CDK8: variants seen among roughly 807,000 people sequenced by gnomAD.
CDK8 encodes the protein cyclin-dependent kinase 8.
Under a neutral mutation model 71.5 loss-of-function variants are expected in CDK8, and 29 were observed. That is an observed-to-expected ratio of 0.41 (90% CI 0.30 to 0.55). The LOEUF is 0.55. Among genes scored for constraint, CDK8 ranks in the 20% least tolerant of loss-of-function variants. The pLI is 0.37. For missense variants in CDK8, 288 were observed against 572.6 expected, an observed-to-expected ratio of 0.50 and a Z score of 5.07; for synonymous variants, 161 against 192.1, an observed-to-expected ratio of 0.84 and a Z score of 1.34.
chr13:26,279,175 T>A (rs1872655600), intron 1 of CDK8, among the ~76,000 whole-genome samples: 1 of 152,122 alleles, frequency 6.6e-6, no homozygotes, highest in African/African-American at 2.4e-5. Context: ...TACAGAAGGA[T>A]GCCAGTTGAT....
rs147015383 is a variant in CDK8, at chr13:26,312,176, G to A, written c.129-25391G>A. ...ACTCTGTGAAAACGCAACAATCAGC[G>A]CTCTGTGTCTAGCTAAAGGATTGTA... On this transcript the variant is annotated intron_variant, in intron 1 of 12. Coordinates refer to ENST00000381527, the MANE Select transcript of CDK8 (RefSeq NM_001260.3). 1.1e-3 allele frequency among the ~76,000 whole-genome samples: 162 copies of A among 152,162 alleles called. 3 individuals are homozygous for A. In the East Asian group the frequency reaches 0.026, roughly 24 times the overall value.
chr13:26,285,082 T>C (rs1872942709), intron 1 of CDK8, among the ~76,000 whole-genome samples: 1 of 151,812 alleles, frequency 6.6e-6, no homozygotes, highest in Admixed American at 6.6e-5. Flanking sequence ...CTACTAAAAA[T>C]ACAAAAGTTA....
At chr13:26,276,944 G>T (rs991274549) in intron 1 of CDK8, among the ~76,000 whole-genome samples, 5 of 152,116 alleles carry the variant, frequency 3.3e-5, no homozygotes, top group African/African-American at 1.2e-4. Context: ...TTCTCAGAAG[G>T]TTCTTAGCTT....
chr13:26,395,267 A>G (rs2138065858), intron 7 of CDK8, among the ~76,000 whole-genome samples: 1 of 152,258 alleles, frequency 6.6e-6, no homozygotes, highest in African/African-American at 2.4e-5. Context: ...CCTGAACAAC[A>G]TGGAGAAACC....
intron 1 of CDK8, among the ~76,000 whole-genome samples, chr13:26,337,054 G>T (rs1170701749): frequency 1.5e-5 from 2 of 134,906 alleles, no homozygotes; most frequent in East Asian, 5.4e-4. Context: ...CATAGTAAGT[G>T]TTCAGTAAAC....
At chr13:26,255,097 T>G (rs1871462302) in intron 1 of CDK8, among the ~76,000 whole-genome samples, 1 of 152,114 alleles carries the variant, frequency 6.6e-6, no homozygotes, top group African/African-American at 2.4e-5. Flanking sequence ...TTTTTGTTTT[T>G]TTTTTTCCTT....
intron 1 of CDK8, among the ~76,000 whole-genome samples, chr13:26,282,016 C>G (rs781266111): frequency 1.3e-5 from 2 of 151,350 alleles, no homozygotes; most frequent in Non-Finnish European, 2.9e-5. Context: ...CAGACAAAGA[C>G]AGAGCAAAAA....
intron 4 of CDK8, among the ~76,000 whole-genome samples, chr13:26,380,602 G>C (rs1462576582): frequency 1.3e-5 from 2 of 151,914 alleles, no homozygotes; most frequent in African/African-American, 4.8e-5. Flanking sequence ...TCTCACCTTA[G>C]CAGGAACTAC....
chr13:26,339,754 A>T (rs71425157), intron 2 of CDK8, among the ~76,000 whole-genome samples: 21,624 of 129,156 alleles, frequency 0.17, 2,047 homozygotes, highest in African/African-American at 0.29. Flanking sequence ...ACTTAAAAAA[A>T]AAATATATAT....
intron 1 of CDK8, among the ~76,000 whole-genome samples, chr13:26,334,968 G>A (rs577356406): frequency 2.0e-5 from 3 of 152,162 alleles, no homozygotes; most frequent in African/African-American, 4.8e-5. Context: ...TGGAATAGAC[G>A]TTTCTCCTTC....
At position 26,385,210 on chromosome 13, in the gene CDK8, G is replaced by A. The variant is rs2138049932; in HGVS notation, c.515-1G>A. On this transcript the variant is annotated splice_acceptor_variant, in intron 5 of 12. Coordinates refer to ENST00000381527, the MANE Select transcript of CDK8 (RefSeq NM_001260.3). LOFTEE classifies it high-confidence loss of function. ...ATGATTTTTTTTTTATTATTTTACA[G>A]CTGACATGGGCTTTGCCCGATTATT... 1 of 1,592,208 alleles carries A rather than the reference G, an allele frequency of 6.3e-7. No individual in the cohort carries two copies. Among genetic ancestry groups the A allele is most frequent in the Non-Finnish European group, 8.5e-7 (1 of 1,172,828 alleles).
intron 1 of CDK8, among the ~76,000 whole-genome samples, chr13:26,336,122 TACACAC>T (rs111361937): frequency 2.6e-4 from 39 of 148,580 alleles, no homozygotes; most frequent in African/African-American, 9.3e-4. Context: ...TACACAAACA[TACACAC>T]ACACACACAC....
intron 4 of CDK8, among the ~76,000 whole-genome samples, chr13:26,364,280 C>T (rs1360748699): frequency 1.3e-5 from 2 of 152,068 alleles, no homozygotes; most frequent in East Asian, 3.8e-4. Flanking sequence ...TATGAGAGTG[C>T]ATCATATATG....
intron 1 of CDK8, among the ~76,000 whole-genome samples, chr13:26,317,089 C>A (rs1185803228): frequency 6.6e-6 from 1 of 152,116 alleles, no homozygotes; most frequent in Non-Finnish European, 1.5e-5. Context: ...GAAAAGTGAA[C>A]AAGGTTTAAG....
At chr13:26,343,946 A>G (rs1314866601) in intron 2 of CDK8, among the ~76,000 whole-genome samples, 1 of 151,734 alleles carries the variant, frequency 6.6e-6, no homozygotes, top group East Asian at 1.9e-4. Context: ...GGTTTGTTAC[A>G]TGGGTAAATT....
intron 6 of CDK8, among the ~76,000 whole-genome samples, chr13:26,390,856 C>G (rs965986469): frequency 5.3e-5 from 8 of 152,104 alleles, no homozygotes; most frequent in African/African-American, 1.9e-4. Context: ...TTTCCTTTGC[C>G]TGGTTAGCTC....
chr13:26,293,211 A>G (rs1873382522), intron 1 of CDK8, among the ~76,000 whole-genome samples: 1 of 152,202 alleles, frequency 6.6e-6, no homozygotes, highest in South Asian at 2.1e-4. Context: ...ATGTATATAT[A>G]ATTTGTCATC....
chr13:26,358,479 A>G (rs931372670), intron 4 of CDK8, among the ~76,000 whole-genome samples: 3 of 152,124 alleles, frequency 2.0e-5, no homozygotes, highest in Admixed American at 2.0e-4. Flanking sequence ...TAAAGAAGGG[A>G]CTAAGTGGGA....
At chr13:26,360,210 C>T (rs1051177381) in intron 4 of CDK8, among the ~76,000 whole-genome samples, 24 of 152,252 alleles carry the variant, frequency 1.6e-4, no homozygotes, top group African/African-American at 5.8e-4. Context: ...AATCCCAGCA[C>T]TTTAGGAGGC....
Sources: allele counts gnomAD v4.1 joint callset (sites outside exome capture counted in the v4.1 genomes callset), GRCh38; gene constraint gnomAD v4.1.1; transcripts MANE v1.5; gene names NCBI Gene and HGNC (gene_info 2026-07-23, HGNC 2026-07-21).